FBXL17: variants seen among roughly 807,000 people sequenced by gnomAD.
FBXL17 encodes the protein F-box/LRR-repeat protein 17.
A neutral mutation model predicts 66.2 loss-of-function variants in FBXL17; 22 were observed. That is an observed-to-expected ratio of 0.33 (90% CI 0.24 to 0.47). The LOEUF (loss-of-function observed/expected upper bound fraction) is 0.47. Ranked by LOEUF, FBXL17 falls within the 20% of genes least tolerant of loss-of-function variation. The pLI is 1.00. For synonymous variants in FBXL17, 474 were observed against 400.5 expected (o/e 1.18, Z -2.19); for missense variants, 878 against 948.2 (o/e 0.93, Z 0.97).
chr5:108,241,410 C>T (rs185220391), intron 4 of FBXL17, among the ~76,000 whole-genome samples: 1 of 151,832 alleles, frequency 6.6e-6, no homozygotes, highest in African/African-American at 2.4e-5. Flanking sequence ...AGCAGAGAAT[C>T]AGTGAGCTTG....
intron 4 of FBXL17, among the ~76,000 whole-genome samples, chr5:108,316,468 G>A (rs1338540932): frequency 6.6e-6 from 1 of 151,260 alleles, no homozygotes; most frequent in Admixed American, 6.6e-5. Flanking sequence ...ACAAGTGCTA[G>A]CCAACATTGT....
chr5:108,221,975 G>A (rs922623417), intron 5 of FBXL17, among the ~76,000 whole-genome samples: 1 of 152,088 alleles, frequency 6.6e-6, no homozygotes, highest in Non-Finnish European at 1.5e-5. Context: ...AGGCTCTGTT[G>A]AAGAACAAAG....
intron 3 of FBXL17, among the ~76,000 whole-genome samples, chr5:108,351,346 G>T (rs953343248): frequency 1.1e-4 from 16 of 152,018 alleles, no homozygotes; most frequent in Non-Finnish European, 2.1e-4. Flanking sequence ...GTCAAAAGTG[G>T]GTAAGTTTTT....
chr5:107,987,513 GT>G (rs1309765806), intron 7 of FBXL17, among the ~76,000 whole-genome samples: 1 of 151,532 alleles, frequency 6.6e-6, no homozygotes, highest in Non-Finnish European at 1.5e-5. Context: ...AAATATTTCA[GT>G]TTTTTTTCAG....
intron 4 of FBXL17, among the ~76,000 whole-genome samples, chr5:108,235,672 C>T (rs1289916501): frequency 1.3e-5 from 2 of 152,170 alleles, no homozygotes; most frequent in South Asian, 2.1e-4. Context: ...TATAAGGCCC[C>T]GCATGATCTG....
chr5:107,971,022 T>C (rs188673885), intron 7 of FBXL17, among the ~76,000 whole-genome samples: 46 of 152,340 alleles, frequency 3.0e-4, no homozygotes, highest in Non-Finnish European at 5.9e-4. Context: ...AAACTTAATT[T>C]GCAACAATGT....
At chr5:108,016,782 C>CTTTTTT (rs372887324) in intron 7 of FBXL17, among the ~76,000 whole-genome samples, 5 of 146,526 alleles carry the variant, frequency 3.4e-5, no homozygotes, top group Admixed American at 1.4e-4. Flanking sequence ...TTCTTTCTTT[C>CTTTTTT]TTTCTTTTTT....
intron 7 of FBXL17, among the ~76,000 whole-genome samples, chr5:107,982,316 T>G (rs1356057902): frequency 6.7e-6 from 1 of 150,126 alleles, no homozygotes; most frequent in Admixed American, 6.6e-5. Flanking sequence ...AATATTGACC[T>G]TATCTACACA....
intron 7 of FBXL17, among the ~76,000 whole-genome samples, chr5:107,917,415 A>AAGT (rs1297681957): frequency 2.0e-5 from 3 of 152,324 alleles, no homozygotes; most frequent in Middle Eastern, 3.4e-3. Context: ...AAACCTGCAC[A>AAGT]AGTAGCATAC....
intron 7 of FBXL17, among the ~76,000 whole-genome samples, chr5:107,975,529 GT>G (rs1219423181): frequency 6.6e-6 from 1 of 152,152 alleles, no homozygotes; most frequent in Non-Finnish European, 1.5e-5. Flanking sequence ...GATTAAAGAT[GT>G]AGGTGAAATC....
At chr5:107,876,452 T>C (rs1441736265) in intron 8 of FBXL17, among the ~76,000 whole-genome samples, 1 of 152,236 alleles carries the variant, frequency 6.6e-6, no homozygotes, top group Admixed American at 6.5e-5. Context: ...TGAGAATTGC[T>C]ACGTTTATGA....
At chr5:108,204,131 G>A (rs906210738) in intron 5 of FBXL17, among the ~76,000 whole-genome samples, 2 of 151,948 alleles carry the variant, frequency 1.3e-5, no homozygotes, top group African/African-American at 4.8e-5. Context: ...GTAAGCTGTT[G>A]ATAAATAAAT....
chr5:108,315,825 G>A (rs547696697), intron 4 of FBXL17, among the ~76,000 whole-genome samples: 1 of 151,270 alleles, frequency 6.6e-6, no homozygotes, highest in African/African-American at 2.4e-5. Context: ...AATATTTAAA[G>A]ACCAATTAAC....
intron 6 of FBXL17, among the ~76,000 whole-genome samples, chr5:108,032,267 T>A (rs1746670928): frequency 6.6e-6 from 1 of 152,042 alleles, no homozygotes; most frequent in African/African-American, 2.4e-5. Context: ...AATACAAATG[T>A]AAAGTACGTA....
chr5:107,952,648 A>C (rs1286035444), intron 7 of FBXL17, among the ~76,000 whole-genome samples: 1 of 152,222 alleles, frequency 6.6e-6, no homozygotes, highest in East Asian at 1.9e-4. Flanking sequence ...GTTACATTTC[A>C]AATATTGGCA....
At chr5:107,982,721 T>C (rs972698911) in intron 7 of FBXL17, among the ~76,000 whole-genome samples, 3 of 152,210 alleles carry the variant, frequency 2.0e-5, no homozygotes, top group Non-Finnish European at 4.4e-5. Context: ...TCATATTTAA[T>C]AGATTTCTAG....
intron 5 of FBXL17, among the ~76,000 whole-genome samples, chr5:108,211,726 G>A (rs1484415091): frequency 6.6e-6 from 1 of 152,152 alleles, no homozygotes; most frequent in Non-Finnish European, 1.5e-5. Context: ...CCCTTTGTGG[G>A]TAACCCAACC....
intron 7 of FBXL17, among the ~76,000 whole-genome samples, chr5:107,923,602 C>T (rs1367033271): frequency 6.6e-6 from 1 of 152,108 alleles, no homozygotes; most frequent in Non-Finnish European, 1.5e-5. Flanking sequence ...GCATTCTACT[C>T]CTGAAAAGCT....
intron 6 of FBXL17, among the ~76,000 whole-genome samples, chr5:108,163,614 G>A (rs1447574528): frequency 6.6e-6 from 1 of 152,064 alleles, no homozygotes; most frequent in Non-Finnish European, 1.5e-5. Context: ...TGGTAGGCAG[G>A]ATGGTCTCGA....
Sources: gnomAD v4.1 joint callset for allele counts (sites outside exome capture counted in the v4.1 genomes callset) on GRCh38, gnomAD v4.1.1 for gene constraint, MANE v1.5 for transcripts, NCBI Gene and HGNC (gene_info 2026-07-23, HGNC 2026-07-21) for gene names.